CHST11: variants seen among roughly 807,000 people sequenced by gnomAD.
CHST11 encodes the protein carbohydrate sulfotransferase 11.
In CHST11, 9 loss-of-function variants were observed where a neutral mutation model predicts 30.4. The observed-to-expected ratio is 0.30, with a 90% CI of 0.18 to 0.52. The LOEUF is 0.52. Among genes scored for constraint, CHST11 ranks in the 20% least tolerant of loss-of-function variants. The pLI, the probability that CHST11 is intolerant of heterozygous loss-of-function variation, is 0.97. For synonymous variants in CHST11, 152 were observed against 187.8 expected, an observed-to-expected ratio of 0.81 and a Z score of 1.56; for missense variants, 348 against 460.6, an observed-to-expected ratio of 0.76 and a Z score of 2.24.
chr12:104,720,819 C>T lies in CHST11; in HGVS notation c.205-36130C>T, dbSNP rs564827104. On this transcript the variant is annotated intron_variant, in intron 2 of 2. Coordinates refer to ENST00000303694, the MANE Select transcript of CHST11 (RefSeq NM_018413.6). ...CACAAAAACAGGAAATGTCGTCTAC[C>T]GTGGACCAGTCGCTGCTGCTTTGGG... 1.1e-4 allele frequency among the ~76,000 whole-genome samples: 16 copies of T among 152,242 alleles called. No individual in the cohort carries two copies. In the East Asian group the frequency reaches 2.1e-3, roughly 20 times the overall value.
At chr12:104,663,063 A>G (rs2039611304) in intron 2 of CHST11, among the ~76,000 whole-genome samples, 1 of 152,222 alleles carries the variant, frequency 6.6e-6, no homozygotes, top group African/African-American at 2.4e-5. Flanking sequence ...GTTCCCCTAG[A>G]AAAATGGGGA....
intron 1 of CHST11, among the ~76,000 whole-genome samples, chr12:104,531,667 G>T (rs1397106136): frequency 6.6e-6 from 1 of 152,058 alleles, no homozygotes; most frequent in Non-Finnish European, 1.5e-5. Flanking sequence ...TTGTGTTACT[G>T]TTCTAATTCA....
At chr12:104,730,534 A>G (rs185687546) in intron 2 of CHST11, among the ~76,000 whole-genome samples, 1 of 152,270 alleles carries the variant, frequency 6.6e-6, no homozygotes, top group Non-Finnish European at 1.5e-5. Flanking sequence ...CCTGTGACAC[A>G]GTATGATGAA....
intron 2 of CHST11, among the ~76,000 whole-genome samples, chr12:104,659,084 A>G (rs1018649808): frequency 6.6e-6 from 1 of 152,242 alleles, no homozygotes; most frequent in Non-Finnish European, 1.5e-5. Flanking sequence ...TCCATCAAAA[A>G]AGAGCACCAT....
chr12:104,743,285 G>T (rs1271899746), intron 2 of CHST11, among the ~76,000 whole-genome samples: 1 of 152,236 alleles, frequency 6.6e-6, no homozygotes, highest in Non-Finnish European at 1.5e-5. Context: ...GAGAGCTGAG[G>T]TTCCAGAGGT....
At chr12:104,502,997 C>G (rs754032905) in intron 1 of CHST11, among the ~76,000 whole-genome samples, 103 of 152,240 alleles carry the variant, frequency 6.8e-4, no homozygotes, top group Non-Finnish European at 1.3e-3. Context: ...CCAGGTGATG[C>G]TGATGCTGCT....
At chr12:104,475,658 T>TTA (rs67453124) in intron 1 of CHST11, among the ~76,000 whole-genome samples, 1,220 of 34,022 alleles carry the variant, frequency 0.036, 76 homozygotes, top group African/African-American at 0.069. Context: ...TAAAGCAGCA[T>TTA]TATATATATA....
intron 2 of CHST11, among the ~76,000 whole-genome samples, chr12:104,701,823 TGCA>T (rs1180779411): frequency 2.6e-5 from 4 of 152,172 alleles, no homozygotes; most frequent in Non-Finnish European, 5.9e-5. Context: ...GCAGGGAAGG[TGCA>T]GCCTGATATG....
At chr12:104,557,150 G>A (rs2038465263) in intron 1 of CHST11, among the ~76,000 whole-genome samples, 1 of 152,198 alleles carries the variant, frequency 6.6e-6, no homozygotes, top group South Asian at 2.1e-4. Context: ...GTTAGGACCT[G>A]GACATTTCTT....
At chr12:104,466,539 C>T (rs919499139) in intron 1 of CHST11, among the ~76,000 whole-genome samples, 2 of 152,222 alleles carry the variant, frequency 1.3e-5, no homozygotes, top group Non-Finnish European at 2.9e-5. Context: ...CCCACATCTG[C>T]TTTCTAAATC....
chr12:104,542,186 A>G (rs1422519967), intron 1 of CHST11, among the ~76,000 whole-genome samples: 2 of 152,220 alleles, frequency 1.3e-5, no homozygotes, highest in Non-Finnish European at 2.9e-5. Context: ...ACTGTGGGAA[A>G]TGGTATGGCA....
chr12:104,467,066 G>A (rs2037466881), intron 1 of CHST11, among the ~76,000 whole-genome samples: 1 of 152,176 alleles, frequency 6.6e-6, no homozygotes, highest in Non-Finnish European at 1.5e-5. Flanking sequence ...GTGAGGAATA[G>A]GATAGTTAAA....
intron 1 of CHST11, among the ~76,000 whole-genome samples, chr12:104,461,006 GA>G (rs952049158): frequency 6.6e-6 from 1 of 152,206 alleles, no homozygotes; most frequent in African/African-American, 2.4e-5. Context: ...ATGAATGCAT[GA>G]AGTGGTTAAA....
chr12:104,458,615 C>T lies in CHST11; in HGVS notation c.118+1086C>T, dbSNP rs2037379027. On this transcript the variant is annotated intron_variant, in intron 1 of 2. Coordinates refer to ENST00000303694, the MANE Select transcript of CHST11 (RefSeq NM_018413.6). This position sits in a 1 kb window ranked among gnomAD's most constrained non-coding sequence, Gnocchi z 5.7. ...GGGTAACGCGGGTCTCCCCGCCAAG[C>T]CGTGGCTCCCCTGCTCCCTTTTACC... Among the ~76,000 whole-genome samples, 1 of 152,256 alleles carries T rather than the reference C, an allele frequency of 6.6e-6. No homozygotes were observed. The highest frequency in any genetic ancestry group is 2.4e-5 in the African/African-American group (1 of 41,478).
In CHST11 at chr12:104,757,663, T is replaced by A; in HGVS notation, c.919T>A (p.Ser307Thr). 1.2e-6 allele frequency: 2 copies of A among 1,614,082 alleles called. No homozygotes were observed. The highest frequency in any genetic ancestry group is 1.7e-6 in the Non-Finnish European group (2 of 1,180,014). The change falls in exon 3 of 3, where the codon TCT becomes ACT. Residue 307 changes from serine to threonine, a missense_variant. Transcript: ENST00000303694. The surrounding 1 kb of genome is among the most constrained non-coding windows in gnomAD (Gnocchi z 6.5). The part of the protein sequence containing the change: ...SYLKFPTYAK[S>T]TRTTDEMTTE... Reference sequence around the variant, plus strand: ...CCTGAAGTTCCCCACCTATGCAAAGTCTACGAGAACTACTGATGAAATGAC... The same window carrying A: ...CCTGAAGTTCCCCACCTATGCAAAGACTACGAGAACTACTGATGAAATGAC...
intron 1 of CHST11, among the ~76,000 whole-genome samples, chr12:104,562,551 G>A (rs928249037): frequency 7.2e-5 from 11 of 152,158 alleles, no homozygotes; most frequent in Non-Finnish European, 1.2e-4. Flanking sequence ...TGTCCTGTTG[G>A]CAAATTGGTT....
chr12:104,570,949 C>T (rs181724147), intron 1 of CHST11, among the ~76,000 whole-genome samples: 43 of 152,256 alleles, frequency 2.8e-4, no homozygotes, highest in Non-Finnish European at 3.8e-4. Flanking sequence ...CCTTGGCCTC[C>T]CAAAGTGCTG....
At chr12:104,552,232 G>C (rs1309358292) in intron 1 of CHST11, 1 of 152,230 alleles carries the variant, frequency 6.6e-6, no homozygotes, top group Non-Finnish European at 1.5e-5. Flanking sequence ...GAAACACTTT[G>C]AGCTTCCTCA....
chr12:104,623,514 T>C (rs7304590), intron 2 of CHST11, among the ~76,000 whole-genome samples: 101,232 of 151,938 alleles, frequency 0.67, 34,597 homozygotes, highest in East Asian at 0.91. Context: ...AGTTCGAGAC[T>C]AGCCTGACCA....
Sources: gnomAD v4.1 joint callset for allele counts (sites outside exome capture counted in the v4.1 genomes callset) on GRCh38, gnomAD v4.1.1 for gene constraint, Gnocchi (gnomAD v3.1) non-coding constraint, MANE v1.5 for transcripts, NCBI Gene and HGNC (gene_info 2026-07-23, HGNC 2026-07-21) for gene names.